OCA2: variants seen among roughly 807,000 people sequenced by gnomAD.
OCA2 encodes the protein OCA2 melanosomal transmembrane protein.
In OCA2, 77 loss-of-function variants were observed where a neutral mutation model predicts 100.2. The ratio of observed to expected loss-of-function variants is 0.77; its 90% confidence interval spans 0.64 to 0.93. The LOEUF is 0.93. OCA2 is among the 40% of genes least tolerant of loss of function. The pLI, the probability that OCA2 is intolerant of heterozygous loss-of-function variation, is 0.00. For synonymous variants in OCA2, 432 were observed against 439.2 expected (o/e 0.98, Z 0.21); for missense variants, 1,062 against 1,089.1 (o/e 0.98, Z 0.35).
At chr15:27,976,041 T>G (rs1448720142) in intron 14 of OCA2, among the ~76,000 whole-genome samples, 1 of 97,174 alleles carries the variant, frequency 1.0e-5, no homozygotes, top group African/African-American at 3.1e-5. Flanking sequence ...TTTGTGCTAC[T>G]GTAAGTGAAA....
At chr15:27,861,223 C>A (rs1227942295) in intron 21 of OCA2, among the ~76,000 whole-genome samples, 1 of 152,154 alleles carries the variant, frequency 6.6e-6, no homozygotes, top group South Asian at 2.1e-4. Flanking sequence ...TGGCTCTCAG[C>A]CTCAGGGGCT....
intron 22 of OCA2, among the ~76,000 whole-genome samples, chr15:27,848,629 C>A (rs1036496698): frequency 6.6e-6 from 1 of 152,244 alleles, no homozygotes; most frequent in African/African-American, 2.4e-5. Flanking sequence ...TTTTCAAAAC[C>A]ATGCCTGGCT....
rs1169504630 is a variant in OCA2 at position 27,957,418 on chromosome 15, C to T, written c.1784+170G>A. 5.3e-5 allele frequency among the ~76,000 whole-genome samples: 8 copies of T among 152,234 alleles called. No homozygotes were observed. The East Asian group carries it at 1.5e-3, about 29-fold the overall frequency. On this transcript the variant is annotated intron_variant, in intron 16 of 23. Transcript: ENST00000354638. This position sits in a 1 kb window ranked among gnomAD's most constrained non-coding sequence, Gnocchi z 4.3. ...TTTGGTCCTTAAACTCGGCTGTGTA[C>T]CCCCTGCAGAGCTCAGTGAGGGTTA...
chr15:28,069,443 C>T (rs1159152619), intron 2 of OCA2, among the ~76,000 whole-genome samples: 28 of 101,806 alleles, frequency 2.8e-4, no homozygotes, highest in African/African-American at 1.4e-3. Context: ...CCCCTCTCCC[C>T]GGTCTCCCTC....
rs749508091 is a variant in OCA2, at chr15:28,059,014, C to T, written c.227+22634G>A. 3.3e-4 allele frequency among the ~76,000 whole-genome samples: 50 copies of T among 152,294 alleles called. 1 individual carries two copies. The highest frequency in any genetic ancestry group is 8.3e-4 in the South Asian group (4 of 4,816). ...GCACATTCCCACTGGGTCCAGAGAG[C>T]GCTCAGTGAAGCCTGCCTTCCCCTA... On this transcript the variant is annotated intron_variant, in intron 2 of 23. Transcript: ENST00000354638.
chr15:27,800,504 G>A (rs551571787), intron 23 of OCA2, among the ~76,000 whole-genome samples: 1 of 152,136 alleles, frequency 6.6e-6, no homozygotes, highest in South Asian at 2.1e-4. Flanking sequence ...TGACAGAGGT[G>A]GCAGTACTAC....
chr15:27,976,205 A>C (rs1394992624), intron 14 of OCA2, among the ~76,000 whole-genome samples: 1 of 152,318 alleles, frequency 6.6e-6, no homozygotes, highest in African/African-American at 2.4e-5. Flanking sequence ...GTCATCCGCA[A>C]ATAAAGACTT....
At chr15:28,074,734 C>A (rs2141833950) in intron 2 of OCA2, among the ~76,000 whole-genome samples, 1 of 148,888 alleles carries the variant, frequency 6.7e-6, no homozygotes, top group African/African-American at 2.5e-5. Flanking sequence ...ATAATCCCAG[C>A]TACTTGGGAG....
chr15:27,868,590 A>G (rs1281505197), intron 21 of OCA2, among the ~76,000 whole-genome samples: 1 of 152,088 alleles, frequency 6.6e-6, no homozygotes, highest in Non-Finnish European at 1.5e-5. Flanking sequence ...AGGCTGCTCA[A>G]TGGGTAGAGT....
intron 14 of OCA2, 84 bp from the exon 15 acceptor site, chr15:27,966,906 G>C: frequency 6.9e-7 from 1 of 1,448,764 alleles, no homozygotes. Flanking sequence ...GAGGTGGGTG[G>C]ATCACGAGGT....
At position 27,755,103 on chromosome 15, in the gene OCA2, G is replaced by T. The variant is rs1377316380; in HGVS notation, c.*285C>A. 1.1e-4 allele frequency: 44 copies of T among 406,356 alleles called. 1 individual carries two copies. Among genetic ancestry groups the T allele is most frequent in the South Asian group, 9.2e-4 (43 of 46,732 alleles). The allele number at this position is 406,356 out of a possible 1,614,324, so 25.2% of individuals were successfully genotyped here. A position where few individuals can be genotyped will look rare whatever the true frequency, so the allele number is the denominator to read the frequency against. ...GTCTTTTCCTATGTATAGCAGGAAG[G>T]GTTTTTAAACATACGTATTTTTCTG... is the stretch of plus-strand genomic sequence containing the variant. On this transcript the variant is annotated 3_prime_UTR_variant, in exon 24 of 24. Transcript: ENST00000354638.
the OCA2 span, among the ~76,000 whole-genome samples, chr15:27,742,693 C>G: frequency 6.6e-6 from 1 of 152,198 alleles, no homozygotes; most frequent in Non-Finnish European, 1.5e-5. Context: ...CGGCTATAAT[C>G]TGGCTTTGTC....
chr15:27,909,452 C>T (rs2038301950), intron 19 of OCA2, among the ~76,000 whole-genome samples: 1 of 151,994 alleles, frequency 6.6e-6, no homozygotes, highest in Non-Finnish European at 1.5e-5. Flanking sequence ...TCCCAAAAAG[C>T]ACTGAAAAAG....
intron 18 of OCA2, among the ~76,000 whole-genome samples, chr15:27,951,452 G>C (rs2040023521): frequency 1.3e-5 from 2 of 152,212 alleles, no homozygotes; most frequent in Admixed American, 1.3e-4. Flanking sequence ...TCTCTTCTGG[G>C]AACCATGTAA....
the OCA2 span, among the ~76,000 whole-genome samples, chr15:27,730,740 TATATATATATATA>T: frequency 2.1e-3 from 41 of 19,608 alleles, no homozygotes; most frequent in African/African-American, 7.0e-3. Context: ...CAAATATATA[TATATATATATATA>T]TATATATATA....
chr15:27,969,313 GA>G (rs1409175057), intron 14 of OCA2, among the ~76,000 whole-genome samples: 4 of 152,120 alleles, frequency 2.6e-5, no homozygotes, highest in African/African-American at 9.7e-5. Context: ...GTTGCTACTA[GA>G]CTTGCGATGG....
At chr15:27,949,406 T>G (rs1017774293) in intron 18 of OCA2, among the ~76,000 whole-genome samples, 8 of 152,224 alleles carry the variant, frequency 5.3e-5, no homozygotes, top group African/African-American at 1.9e-4. Context: ...CTCGTGCCTG[T>G]AATCCCCGCA....
intron 19 of OCA2, chr15:27,896,205 T>A: frequency 1.1e-6 from 1 of 922,174 alleles, no homozygotes; most frequent in Non-Finnish European, 1.8e-6. Flanking sequence ...TAGAGGCTTG[T>A]CTATCCCTCA....
At chr15:28,015,250 A>G (rs2042354446) in intron 8 of OCA2, among the ~76,000 whole-genome samples, 1 of 152,158 alleles carries the variant, frequency 6.6e-6, no homozygotes, top group Admixed American at 6.5e-5. Flanking sequence ...CGACCAGTTT[A>G]CCTGCTAACT....
Sources: gnomAD v4.1 joint callset for allele counts (sites outside exome capture counted in the v4.1 genomes callset) on GRCh38, gnomAD v4.1.1 for gene constraint, Gnocchi (gnomAD v3.1) non-coding constraint, MANE v1.5 for transcripts, NCBI Gene and HGNC (gene_info 2026-07-23, HGNC 2026-07-21) for gene names.